The following ADCY6 variants were observed in gnomAD, a reference collection of about 807,000 sequenced individuals.
The protein encoded by ADCY6 is adenylate cyclase type 6.
A neutral mutation model predicts 111.6 loss-of-function variants in ADCY6; 59 were observed. The ratio of observed to expected loss-of-function variants is 0.53; its 90% CI spans 0.43 to 0.66. The LOEUF is 0.66. Among genes scored for constraint, ADCY6 ranks in the 30% least tolerant of loss-of-function variants. The probability of loss-of-function intolerance (pLI) is 0.00; values close to 1 mark genes in which losing one functional copy is unlikely to be tolerated. For synonymous variants in ADCY6, 576 were observed against 642.9 expected (o/e 0.90, Z 1.57); for missense variants, 1,242 against 1,595.6 (o/e 0.78, Z 3.78).
Position 48,782,774 on chromosome 12 carries a change from C to T in ADCY6, c.661G>A (p.Ala221Thr), listed in dbSNP as rs1941880094. ...VSYVVLGILA[A>T]VQVGGALAAD... ...GCGAGAGCGCCCCCGACCTGCACTG[C>T]CGCCAGGATGCCCAGCACCACGTAG... The change falls in exon 2 of 22, where the codon GCA becomes ACA. Residue 221 changes from alanine to threonine, a missense_variant. Physicochemically the swap from Ala to Thr is moderately conservative, Grantham distance 58 (BLOSUM62 0). This residue lies in a region of ADCY6 where 362 missense variants were observed against 377.2 expected (regional missense o/e 0.96). Coordinates refer to ENST00000357869, the MANE Select transcript of ADCY6 (RefSeq NM_015270.5). This position sits in a 1 kb window ranked among gnomAD's most constrained non-coding sequence, Gnocchi z 4.3. The T allele has an allele frequency of 5.0e-6, 8 of 1,612,570 alleles. No homozygotes were observed. Among genetic ancestry groups the T allele is most frequent in the Non-Finnish European group, 6.8e-6 (8 of 1,179,438 alleles).
chr12:48,768,739 C>T (rs372796782), intron 21 of ADCY6, 23 bp from the exon 22 acceptor site: 19 of 1,611,748 alleles, frequency 1.2e-5, no homozygotes, highest in African/African-American at 4.0e-5. Flanking sequence ...GAGGGGAGCC[C>T]GCTTAGCCTG....
intron 20 of ADCY6, among the ~76,000 whole-genome samples, chr12:48,770,194 G>A (rs909707581): frequency 3.3e-5 from 5 of 150,706 alleles, no homozygotes; most frequent in Admixed American, 6.6e-5. Flanking sequence ...ATGATCCACC[G>A]CGCCCGGCAT....
chr12:48,773,024 G>T (rs1026043189), intron 16 of ADCY6, among the ~76,000 whole-genome samples: 10 of 152,136 alleles, frequency 6.6e-5, no homozygotes, highest in African/African-American at 2.2e-4. Context: ...ACCCAGCAGA[G>T]ACCAGAGGCT....
chr12:48,780,048 G>A (rs749005179), intron 2 of ADCY6, among the ~76,000 whole-genome samples: 1 of 152,152 alleles, frequency 6.6e-6, no homozygotes, highest in African/African-American at 2.4e-5. Flanking sequence ...TCCCTTGGGG[G>A]TTTCTAAGAA....
intron 20 of ADCY6, 131 bp downstream of exon 20, chr12:48,770,635 T>C: frequency 5.9e-6 from 5 of 844,536 alleles, no homozygotes; most frequent in Non-Finnish European, 9.5e-6. Context: ...AGACTTGATA[T>C]AGGAGGTCAG....
chr12:48,782,654 C>A lies in ADCY6; in HGVS notation c.781G>T (p.Val261Phe), dbSNP rs751987209. 6.2e-7 allele frequency: 1 copy of A among 1,603,150 alleles called. No individual in the cohort carries two copies. Among genetic ancestry groups the A allele is most frequent in the Non-Finnish European group, 8.5e-7 (1 of 1,174,190 alleles). The change falls in exon 2 of 22, where the codon GTC becomes TTC. Residue 261 changes from valine to phenylalanine, a missense_variant. Val to Phe is a conservative substitution (Grantham distance 50). Around this residue, in one of 4 missense-constraint regions of ADCY6, gnomAD observed 362 missense variants for 377.2 expected, o/e 0.96. Coordinates refer to ENST00000357869, the MANE Select transcript of ADCY6 (RefSeq NM_015270.5). This position sits in a 1 kb window ranked among gnomAD's most constrained non-coding sequence, Gnocchi z 4.3. ...GTGGAGAGGCCCAGGCCGCTGAGGA[C>A]GGCAGCCCGCATGCGGATGGGGAGG... ...TLLPIRMRAA[V>F]LSGLGLSTLH...
In ADCY6 at chr12:48,777,238, G is replaced by A; in HGVS notation, c.1249-7C>T. On this transcript the variant is annotated splice_region_variant and splice_polypyrimidine_tract_variant and intron_variant, in intron 5 of 21. Transcript: ENST00000357869. This position sits in a 1 kb window ranked among gnomAD's most constrained non-coding sequence, Gnocchi z 4.9. The stretch of plus-strand genomic sequence containing the variant: ...TCCTCAGGCAGTGATTCTCCTGAAT[G>A]GGAAGGAATTGGAGGGAAGGGTAAC... 6.2e-7 allele frequency: 1 copy of A among 1,611,842 alleles called. No individual in the cohort carries two copies. Among genetic ancestry groups the A allele is most frequent in the African/African-American group, 1.3e-5 (1 of 75,008 alleles).
At chr12:48,784,845 T>G (rs1162069075) in intron 1 of ADCY6, among the ~76,000 whole-genome samples, 1 of 152,000 alleles carries the variant, frequency 6.6e-6, no homozygotes, top group Non-Finnish European at 1.5e-5. Context: ...TTTCTATTTT[T>G]TAGTAGAGAC....
upstream of ADCY6, chr12:48,789,168 TC>T (rs1942040261): frequency 6.6e-6 from 1 of 151,808 alleles, no homozygotes; most frequent in Admixed American, 6.6e-5. Context: ...TGTCTGGGCA[TC>T]CCCCTCCCCC....
In ADCY6 at chr12:48,776,994, A is replaced by G; in HGVS notation, c.1376+110T>C. The G allele has an allele frequency of 6.9e-7, 1 of 1,453,026 alleles. No individual in the cohort carries two copies. Among genetic ancestry groups the G allele is most frequent in the Admixed American group, 2.3e-5 (1 of 44,166 alleles). The allele number at this position is 1,453,026 out of a possible 1,614,324, so 90.0% of individuals were successfully genotyped here. A position where few individuals can be genotyped will look rare whatever the true frequency, so the allele number is the denominator to read the frequency against. ...CCCTTCCCAGTGACAGACAGACCTC[A>G]AAGACAGAGAAAGCCAAAACTGAGG... On this transcript the variant is annotated intron_variant, in intron 6 of 21. Coordinates refer to ENST00000357869, the MANE Select transcript of ADCY6 (RefSeq NM_015270.5). This position sits in a 1 kb window ranked among gnomAD's most constrained non-coding sequence, Gnocchi z 6.1.
At position 48,772,560 on chromosome 12, in the gene ADCY6, A is replaced by G; in HGVS notation, c.2622-17T>C. The stretch of plus-strand genomic sequence containing the variant: ...GAAGAAGCCCTGGTAAGAAGATAGA[A>G]GAGACAAAGTCATCAGTGCTTCCTG... On this transcript the variant is annotated splice_polypyrimidine_tract_variant and intron_variant, in intron 16 of 21. Coordinates refer to ENST00000357869, the MANE Select transcript of ADCY6 (RefSeq NM_015270.5). 6.2e-7 allele frequency: 1 copy of G among 1,614,210 alleles called. No homozygotes were observed. Among genetic ancestry groups the G allele is most frequent in the Non-Finnish European group, 8.5e-7 (1 of 1,180,028 alleles).
In ADCY6 at chr12:48,768,400, G is replaced by C; in HGVS notation, c.*191C>G. 2 of 747,302 alleles carry C rather than the reference G, an allele frequency of 2.7e-6. No homozygotes were observed. Among genetic ancestry groups the C allele is most frequent in the Non-Finnish European group, 2.2e-6 (1 of 458,574 alleles). 46.3% of individuals were successfully genotyped at this position (747,302 alleles called of 1,614,324 possible). ...AGAAAGTCACTTGCATAATCCTCTC[G>C]GTAGGTAGCCCCTTGTTTTCCAGCT... On this transcript the variant is annotated 3_prime_UTR_variant, in exon 22 of 22. Coordinates refer to ENST00000357869, the MANE Select transcript of ADCY6 (RefSeq NM_015270.5).
Position 48,776,435 on chromosome 12 carries a change from G to A in ADCY6, c.1528C>T (p.Arg510Trp), listed in dbSNP as rs773191127. 29 of 1,556,634 alleles carry A rather than the reference G, an allele frequency of 1.9e-5. No individual in the cohort carries two copies. Among genetic ancestry groups the A allele is most frequent in the Admixed American group, 1.1e-4 (6 of 53,406 alleles). The change falls in exon 7 of 22, where the codon CGG becomes TGG. Residue 510 changes from arginine (R) to tryptophan (W), a missense_variant. Around this residue, in one of 4 missense-constraint regions of ADCY6, gnomAD observed 260 missense variants for 414.6 expected, o/e 0.63. Transcript: ENST00000357869. The surrounding 1 kb of genome is among the most constrained non-coding windows in gnomAD (Gnocchi z 6.1). ...CTGGACCCCCCTACTCACCCAGCCC[G>A]GCCTCCTGCCTCCATGTGGTTGGCC... Reference protein sequence around the residue: ...TLANHMEAGGRAGRIHITRAT... With the variant: ...TLANHMEAGGWAGRIHITRAT...
Position 48,771,650 on chromosome 12 carries a change from C to T in ADCY6, c.3051+60G>A. 6.2e-7 allele frequency: 1 copy of T among 1,607,748 alleles called. No individual in the cohort carries two copies. The highest frequency in any genetic ancestry group is 1.1e-5 in the South Asian group (1 of 90,824). The stretch of plus-strand genomic sequence containing the variant: ...TCTTCCCAGTTCCACTCACCCATTC[C>T]AATCCCTGGTCTCCAAGTACCCCCC... On this transcript the variant is annotated intron_variant, in intron 19 of 21. Transcript: ENST00000357869. This position sits in a 1 kb window ranked among gnomAD's most constrained non-coding sequence, Gnocchi z 4.3.
Position 48,776,165 on chromosome 12 carries a change from C to T in ADCY6, c.1677+44G>A. 6.2e-7 allele frequency: 1 copy of T among 1,613,882 alleles called. No homozygotes were observed. The highest frequency in any genetic ancestry group is 1.3e-5 in the African/African-American group (1 of 75,056). On this transcript the variant is annotated intron_variant, in intron 8 of 21. Coordinates refer to ENST00000357869, the MANE Select transcript of ADCY6 (RefSeq NM_015270.5). This position sits in a 1 kb window ranked among gnomAD's most constrained non-coding sequence, Gnocchi z 6.1. ...CCTTGGCCTGCTCCTCCCCATTTGT[C>T]CCTCTTCTTGCTCCCCTGCCCCCAG...
intron 16 of ADCY6, among the ~76,000 whole-genome samples, chr12:48,773,219 T>A (rs977723657): frequency 6.6e-6 from 1 of 152,022 alleles, no homozygotes; most frequent in Non-Finnish European, 1.5e-5. Flanking sequence ...GAAAGCACCA[T>A]GCAAATGTAA....
chr12:48,769,287 C>A (rs1383569130), intron 20 of ADCY6, among the ~76,000 whole-genome samples: 1 of 151,812 alleles, frequency 6.6e-6, no homozygotes, highest in South Asian at 2.1e-4. Flanking sequence ...GTGGTACATG[C>A]CTGTAGTCCC....
At chr12:48,775,898 C>T (rs1330211013) in intron 9 of ADCY6, 65 bp downstream of exon 9, 3 of 1,554,238 alleles carry the variant, frequency 1.9e-6, no homozygotes, top group Non-Finnish European at 1.7e-6. Context: ...AGGACAGGGT[C>T]AGGGACAGGG....
chr12:48,776,370 T>A lies in ADCY6; in HGVS notation c.1536-20A>T. On this transcript the variant is annotated intron_variant, in intron 7 of 21. Transcript: ENST00000357869. The surrounding 1 kb of genome is among the most constrained non-coding windows in gnomAD (Gnocchi z 6.1). ...ATGCGGCTGTATGTGGCCAAGAGGG[T>A]GAGACCCTGGCTCTCCCACCTTGCC... The A allele has an allele frequency of 6.2e-7, 1 of 1,614,006 alleles. No individual in the cohort carries two copies. Among genetic ancestry groups the A allele is most frequent in the Non-Finnish European group, 8.5e-7 (1 of 1,179,960 alleles).
Sources: gnomAD v4.1 joint callset for allele counts (sites outside exome capture counted in the v4.1 genomes callset) on GRCh38, gnomAD v4.1.1 for gene constraint, gnomAD v4.1.1 regional missense constraint, Gnocchi (gnomAD v3.1) non-coding constraint, MANE v1.5 for transcripts, NCBI Gene and HGNC (gene_info 2026-07-23, HGNC 2026-07-21) for gene names.